RIC1: variants seen among roughly 807,000 people sequenced by gnomAD.
RIC1 encodes RIC1 partner of RAB6A GEF complex.
In RIC1, 88 loss-of-function variants were observed where a neutral mutation model predicts 169.0. The observed-to-expected ratio is 0.52, with a 90% confidence interval of 0.44 to 0.62. The LOEUF (loss-of-function observed/expected upper bound fraction) is 0.62. Ranked by LOEUF, RIC1 falls within the 20% of genes least tolerant of loss-of-function variation. The pLI, the probability that RIC1 is intolerant of heterozygous loss-of-function variation, is 0.00. For synonymous variants in RIC1, 790 were observed against 601.5 expected, an observed-to-expected ratio of 1.31 and a Z score of -4.59; for missense variants, 1,877 against 1,725.5, an observed-to-expected ratio of 1.09 and a Z score of -1.56.
chr9:5,740,163 A>C (rs964424049), intron 8 of RIC1, among the ~76,000 whole-genome samples: 3 of 152,164 alleles, frequency 2.0e-5, no homozygotes, highest in African/African-American at 7.2e-5. Context: ...CATATGGTCA[A>C]AGGTGTTATG....
At chr9:5,675,978 C>G (rs1356495408) in intron 2 of RIC1, among the ~76,000 whole-genome samples, 1 of 152,214 alleles carries the variant, frequency 6.6e-6, no homozygotes, top group East Asian at 1.9e-4. Flanking sequence ...CCCATCTTGC[C>G]TTTAACCTCC....
chr9:5,754,703 C>T (rs1825902493), intron 14 of RIC1, 138 bp from the exon 15 acceptor site: 1 of 480,114 alleles, frequency 2.1e-6, no homozygotes, highest in African/African-American at 2.0e-5. Flanking sequence ...TGCACTCCAG[C>T]ATGGGTGACA....
intron 6 of RIC1, among the ~76,000 whole-genome samples, chr9:5,725,992 A>G (rs562274607): frequency 1.3e-4 from 20 of 152,174 alleles, no homozygotes; most frequent in Non-Finnish European, 2.2e-4. Flanking sequence ...CAATTTTGGA[A>G]TAAGTGTGAT....
chr9:5,700,799 G>A, intron 3 of RIC1, among the ~76,000 whole-genome samples: 1 of 151,990 alleles, frequency 6.6e-6, no homozygotes, highest in East Asian at 1.9e-4. Flanking sequence ...CTATAACTTT[G>A]AACTAGAGGA....
chr9:5,748,947 G>A (rs1825553066), intron 12 of RIC1, among the ~76,000 whole-genome samples: 1 of 152,246 alleles, frequency 6.6e-6, no homozygotes, highest in East Asian at 1.9e-4. Flanking sequence ...AGTTTACCTA[G>A]TTTATCAGTT....
At position 5,732,350 on chromosome 9, in the gene RIC1, A is replaced by G. The variant is rs1240682919; in HGVS notation, c.721-38A>G. On this transcript the variant is annotated intron_variant, in intron 6 of 25. Coordinates refer to ENST00000414202, the MANE Select transcript of RIC1 (RefSeq NM_020829.4). ...ATATTGACTACGGTAAATTTGGAGA[A>G]ACACTTTTTAAGCCTTAACTATTTT... is the stretch of plus-strand genomic sequence containing the variant. The G allele has an allele frequency of 4.7e-6, 7 of 1,479,766 alleles. No individual in the cohort carries two copies. In the South Asian group the frequency reaches 6.0e-5, roughly 13 times the overall value. 91.7% of individuals were successfully genotyped at this position (1,479,766 alleles called of 1,614,324 possible). A position where few individuals can be genotyped will look rare whatever the true frequency, so the allele number is the denominator to read the frequency against.
intron 7 of RIC1, among the ~76,000 whole-genome samples, chr9:5,736,884 C>G (rs1484719459): frequency 6.6e-6 from 1 of 151,522 alleles, no homozygotes; most frequent in Non-Finnish European, 1.5e-5. Context: ...TATTGCAGGT[C>G]TTTTAGTTAG....
At chr9:5,708,995 T>C (rs957131738) in intron 3 of RIC1, among the ~76,000 whole-genome samples, 3 of 152,180 alleles carry the variant, frequency 2.0e-5, no homozygotes, top group Non-Finnish European at 4.4e-5. Context: ...AACTGTTAAT[T>C]TGTTGAGTTT....
Position 5,774,226 on chromosome 9 carries a change from T to TA in RIC1, c.4253dup (p.Tyr1418Ter). The TA allele has an allele frequency of 1.9e-6, 3 of 1,610,580 alleles. No individual in the cohort carries two copies. The highest frequency in any genetic ancestry group is 2.5e-6 in the Non-Finnish European group (3 of 1,178,188). The change falls in exon 26 of 26, where the codon TAC (tyrosine) becomes TAAC (stop). Residue 1418 changes from tyrosine to a stop codon, truncating the protein, a stop_gained and frameshift_variant. Coordinates refer to ENST00000414202, the MANE Select transcript of RIC1 (RefSeq NM_020829.4). LOFTEE classifies it high-confidence loss of function. ...GGAAGAACCTTTTCAGGATGGGACT[T>TA]ACGACTGTTCTGTGTCCTAACAGTG... ...EEEEPFQDGT[Y>*]DCSVS
At chr9:5,669,830 G>A (rs1229560325) in intron 2 of RIC1, among the ~76,000 whole-genome samples, 2 of 152,120 alleles carry the variant, frequency 1.3e-5, no homozygotes, top group Admixed American at 1.3e-4. Flanking sequence ...GGGGTAATGG[G>A]GATTCTGGCT....
At chr9:5,706,606 G>A (rs972097003) in intron 3 of RIC1, among the ~76,000 whole-genome samples, 12 of 151,992 alleles carry the variant, frequency 7.9e-5, no homozygotes, top group African/African-American at 2.9e-4. Context: ...GAGGTTTTTT[G>A]ATTAGTGACT....
intron 3 of RIC1, among the ~76,000 whole-genome samples, chr9:5,695,565 T>TTA (rs1316762808): frequency 6.7e-6 from 1 of 148,282 alleles, no homozygotes; most frequent in Admixed American, 6.9e-5. Context: ...TGGATTATTA[T>TTA]TATATCTTTT....
At chr9:5,670,846 A>C (rs548262201) in intron 2 of RIC1, among the ~76,000 whole-genome samples, 2 of 152,182 alleles carry the variant, frequency 1.3e-5, no homozygotes, top group South Asian at 4.1e-4. Flanking sequence ...TTTTTCAAGG[A>C]TAGTTTGGTG....
intron 4 of RIC1, 33 bp downstream of exon 4, chr9:5,714,036 G>C: frequency 2.9e-6 from 4 of 1,363,148 alleles, no homozygotes; most frequent in Non-Finnish European, 4.2e-6. Flanking sequence ...GACATTGTGT[G>C]ATGACAGTAG....
chr9:5,761,104 C>CTTTTTTTT (rs71326188), intron 17 of RIC1, among the ~76,000 whole-genome samples: 1 of 94,666 alleles, frequency 1.1e-5, no homozygotes, highest in African/African-American at 4.2e-5. Flanking sequence ...CCAGCCTCAC[C>CTTTTTTTT]TTTTTTTTTT....
Position 5,772,605 on chromosome 9 carries a change from A to G in RIC1, c.3658A>G (p.Ser1220Gly). The change falls in exon 24 of 26, where the codon AGT (serine) becomes GGT (glycine). Residue 1220 changes from serine (S) to glycine (G), a missense_variant. By Grantham distance (56) the Ser-to-Gly change is moderately conservative. Coordinates refer to ENST00000414202, the MANE Select transcript of RIC1 (RefSeq NM_020829.4). ...SIGSATDLTE[S>G]SSMVDGDWTM... is the part of the protein sequence containing the mutation. ...TGGTTCAGCCACAGACTTGACTGAA[A>G]GTAGCTCCATGGTGGATGGCGACTG... The G allele has an allele frequency of 6.2e-7, 1 of 1,613,752 alleles. No individual in the cohort carries two copies. The highest frequency in any genetic ancestry group is 8.5e-7 in the Non-Finnish European group (1 of 1,179,826).
intron 3 of RIC1, among the ~76,000 whole-genome samples, chr9:5,701,623 A>G (rs1280910415): frequency 6.6e-6 from 1 of 151,634 alleles, no homozygotes; most frequent in East Asian, 1.9e-4. Context: ...GTTCAGTTAC[A>G]TTTTCTCTTG....
chr9:5,750,289 C>T (rs1187437273), intron 12 of RIC1, among the ~76,000 whole-genome samples: 2 of 151,846 alleles, frequency 1.3e-5, no homozygotes, highest in Non-Finnish European at 2.9e-5. Context: ...GCATTTACTT[C>T]TGAAAGGTAC....
chr9:5,733,834 T>A (rs1824525859), intron 7 of RIC1, among the ~76,000 whole-genome samples: 1 of 151,684 alleles, frequency 6.6e-6, no homozygotes, highest in South Asian at 2.1e-4. Flanking sequence ...ATTTTCCTCT[T>A]TACTCTTCTG....
Sources: allele counts gnomAD v4.1 joint callset (sites outside exome capture counted in the v4.1 genomes callset), GRCh38; gene constraint gnomAD v4.1.1; transcripts MANE v1.5; gene names NCBI Gene and HGNC (gene_info 2026-07-23, HGNC 2026-07-21).